The following PCDHGB6 variants were observed in gnomAD, a reference collection of about 807,000 sequenced individuals.
The protein encoded by PCDHGB6 is protocadherin gamma subfamily B, 6.
Under a neutral mutation model 59.1 loss-of-function variants are expected in PCDHGB6, and 51 were observed. That is an observed-to-expected ratio of 0.86 (90% CI 0.69 to 1.09). The LOEUF (loss-of-function observed/expected upper bound fraction) is 1.09, where lower values mean the gene tolerates loss of function less well. Ranked by LOEUF, PCDHGB6 falls within the 50% of genes least tolerant of loss-of-function variation. The pLI is 0.00. For synonymous variants in PCDHGB6, 466 were observed against 495.1 expected (o/e 0.94, Z 0.78); for missense variants, 1,148 against 1,205.1 (o/e 0.95, Z 0.70).
rs767521224 is a variant in PCDHGB6 at position 141,431,148 on chromosome 5, C to T, written c.2418+20528C>T. 3.7e-6 allele frequency: 6 copies of T among 1,614,146 alleles called. No homozygotes were observed. Among genetic ancestry groups the T allele is most frequent in the Admixed American group, 1.7e-5 (1 of 60,030 alleles). On this transcript the variant is annotated intron_variant, in intron 1 of 3. Coordinates refer to ENST00000520790, the MANE Select transcript of PCDHGB6 (RefSeq NM_018926.3). The surrounding 1 kb of genome is among the most constrained non-coding windows in gnomAD (Gnocchi z 4.8). Reference sequence around the variant, plus strand: ...GAAGTAAGGGACATTAACGACAATGCGCCTTACTTTCGTGAAAGTGAATTA... The same window carrying T: ...GAAGTAAGGGACATTAACGACAATGTGCCTTACTTTCGTGAAAGTGAATTA...
At chr5:141,504,980 G>A (rs113323355) in intron 2 of PCDHGB6, among the ~76,000 whole-genome samples, 174 of 152,196 alleles carry the variant, frequency 1.1e-3, no homozygotes, top group African/African-American at 3.9e-3. Context: ...TGGCCAACAT[G>A]GTGAAACCCC....
chr5:141,479,625 T>C (rs2099501262), intron 1 of PCDHGB6: 1 of 152,228 alleles, frequency 6.6e-6, no homozygotes, highest in Non-Finnish European at 1.5e-5. Flanking sequence ...ACCATGTCTC[T>C]TTAACAATAA....
chr5:141,486,189 A>T lies in PCDHGB6; in HGVS notation c.2419-8618A>T, dbSNP rs761466492. 6.2e-7 allele frequency: 1 copy of T among 1,614,062 alleles called. No individual in the cohort carries two copies. Among genetic ancestry groups the T allele is most frequent in the Non-Finnish European group, 8.5e-7 (1 of 1,179,994 alleles). ...GAGCAACATTGCAGCCTTCGAGTGG[A>T]TCTGCTGGACGTAAATGACAATGCC... is the stretch of plus-strand genomic sequence containing the variant. On this transcript the variant is annotated intron_variant, in intron 1 of 3. Coordinates refer to ENST00000520790, the MANE Select transcript of PCDHGB6 (RefSeq NM_018926.3). The surrounding 1 kb of genome is among the most constrained non-coding windows in gnomAD (Gnocchi z 5.0).
intron 1 of PCDHGB6, chr5:141,422,528 C>T: frequency 5.0e-6 from 8 of 1,614,018 alleles, no homozygotes; most frequent in Non-Finnish European, 5.1e-6. Flanking sequence ...CCGCCTTTGT[C>T]TGCAGAAACT....
At chr5:141,433,364 T>C (rs1246641841) in intron 1 of PCDHGB6, 1 of 524,614 alleles carries the variant, frequency 1.9e-6, no homozygotes, top group Admixed American at 3.5e-5. Context: ...TCTGCCTATC[T>C]ATCTATCTAT....
At position 141,491,613 on chromosome 5, in the gene PCDHGB6, A is replaced by AC; in HGVS notation, c.2419-3190dup. On this transcript the variant is annotated intron_variant, in intron 1 of 3. Coordinates refer to ENST00000520790, the MANE Select transcript of PCDHGB6 (RefSeq NM_018926.3). The surrounding 1 kb of genome is among the most constrained non-coding windows in gnomAD (Gnocchi z 6.9). Reference sequence around the variant, plus strand: ...ACGGCAGTGACTTCACTTTTCTAAGACCCCTCAGCGTTCAGCAGCCCACAG... The same window carrying AC: ...ACGGCAGTGACTTCACTTTTCTAAGACCCCCTCAGCGTTCAGCAGCCCACAG... 6.2e-7 allele frequency: 1 copy of AC among 1,613,568 alleles called. No homozygotes were observed. Among genetic ancestry groups the AC allele is most frequent in the Non-Finnish European group, 8.5e-7 (1 of 1,179,968 alleles).
At chr5:141,438,583 CAT>C (rs1561889590) in intron 1 of PCDHGB6, among the ~76,000 whole-genome samples, 4 of 57,610 alleles carry the variant, frequency 6.9e-5, no homozygotes, top group African/African-American at 3.6e-4. Flanking sequence ...TACATACATA[CAT>C]ACATACATAT....
At chr5:141,420,369 T>C in intron 1 of PCDHGB6, 2 of 1,349,364 alleles carry the variant, frequency 1.5e-6, no homozygotes, top group Non-Finnish European at 2.0e-6. Flanking sequence ...AGATAACTTC[T>C]TCATAGAGTT....
At chr5:141,502,862 CTGTCT>C (rs2099816366) in intron 2 of PCDHGB6, among the ~76,000 whole-genome samples, 2 of 68,560 alleles carry the variant, frequency 2.9e-5, no homozygotes, top group Admixed American at 3.3e-4. Flanking sequence ...CCCTGACTCT[CTGTCT>C]TTTTTTTTTT....
At chr5:141,473,808 C>G (rs1562041705) in intron 1 of PCDHGB6, among the ~76,000 whole-genome samples, 1 of 152,198 alleles carries the variant, frequency 6.6e-6, no homozygotes, top group Non-Finnish European at 1.5e-5. Flanking sequence ...TACTGAGGAG[C>G]AGCTGGACAA....
chr5:141,490,088 ACCACAC>A lies in PCDHGB6; in HGVS notation c.2419-4718_2419-4713del. On this transcript the variant is annotated intron_variant, in intron 1 of 3. Transcript: ENST00000520790. The surrounding 1 kb of genome is among the most constrained non-coding windows in gnomAD (Gnocchi z 5.4). The stretch of plus-strand genomic sequence containing the variant: ...GGCCAACTAGACTATTCTTTTGGAG[ACCACAC>A]ATCTGAGGCAGTGCGGAACCTCTTT... The A allele has an allele frequency of 6.2e-7, 1 of 1,614,190 alleles. No homozygotes were observed. Among genetic ancestry groups the A allele is most frequent in the Non-Finnish European group, 8.5e-7 (1 of 1,180,004 alleles).
chr5:141,465,312 A>G (rs2099100692), intron 1 of PCDHGB6, among the ~76,000 whole-genome samples: 1 of 152,314 alleles, frequency 6.6e-6, no homozygotes, highest in South Asian at 2.1e-4. Flanking sequence ...GAATTTAGCC[A>G]TGTCAATGCA....
chr5:141,435,558 T>C (rs1401876733), intron 1 of PCDHGB6, among the ~76,000 whole-genome samples: 1 of 152,136 alleles, frequency 6.6e-6, no homozygotes, highest in Non-Finnish European at 1.5e-5. Flanking sequence ...TTTTGAGTGC[T>C]TTTTTTAGTA....
In PCDHGB6 at chr5:141,489,120, G is replaced by C; in HGVS notation, c.2419-5687G>C. The C allele has an allele frequency of 1.1e-5, 5 of 445,662 alleles. No homozygotes were observed. Among genetic ancestry groups the C allele is most frequent in the East Asian group, 3.8e-5 (1 of 26,010 alleles). The allele number at this position is 445,662 out of a possible 1,614,324, so 27.6% of individuals were successfully genotyped here. ...AACTGCTGCAAGCAGGCAAACCTCC[G>C]AGCAGTTTTTAAGAGGCTGGAAGGA... On this transcript the variant is annotated intron_variant, in intron 1 of 3. Transcript: ENST00000520790. This position sits in a 1 kb window ranked among gnomAD's most constrained non-coding sequence, Gnocchi z 4.5.
At position 141,493,396 on chromosome 5, in the gene PCDHGB6, G is replaced by A. The variant is rs562217310; in HGVS notation, c.2419-1411G>A. 1.3e-5 allele frequency among the ~76,000 whole-genome samples: 2 copies of A among 152,274 alleles called. No homozygotes were observed. Among genetic ancestry groups the A allele is most frequent in the East Asian group, 3.9e-4 (2 of 5,178 alleles). The stretch of plus-strand genomic sequence containing the variant: ...TTTAAAAGCTTGAGGACAGGAGAGG[G>A]GAGTTGCCTCTGCTGGGATTTTGCT... On this transcript the variant is annotated intron_variant, in intron 1 of 3. Transcript: ENST00000520790. This position sits in a 1 kb window ranked among gnomAD's most constrained non-coding sequence, Gnocchi z 4.3.
At chr5:141,421,417 G>A (rs1188564125) in intron 1 of PCDHGB6, 2 of 1,613,950 alleles carry the variant, frequency 1.2e-6, no homozygotes, top group Non-Finnish European at 1.7e-6. Context: ...GGCGAAGCGC[G>A]GAGTCCGCAT....
At chr5:141,418,674 GCAT>G (rs1401114725) in intron 1 of PCDHGB6, 1 of 1,614,032 alleles carries the variant, frequency 6.2e-7, no homozygotes, top group Non-Finnish European at 8.5e-7. Flanking sequence ...CAGGACGAGG[GCAT>G]CAACTCAGAG....
intron 1 of PCDHGB6, chr5:141,419,557 G>T: frequency 2.5e-6 from 4 of 1,611,872 alleles, no homozygotes; most frequent in Middle Eastern, 1.7e-4. Context: ...TGTACCCTGC[G>T]CTGGGTCCCG....
At chr5:141,458,075 A>G (rs1301404730) in intron 1 of PCDHGB6, among the ~76,000 whole-genome samples, 2 of 152,234 alleles carry the variant, frequency 1.3e-5, no homozygotes, top group Non-Finnish European at 2.9e-5. Flanking sequence ...GAACAACTAT[A>G]TTGCCGTAAG....
Sources: gnomAD v4.1 joint callset for allele counts (sites outside exome capture counted in the v4.1 genomes callset) on GRCh38, gnomAD v4.1.1 for gene constraint, Gnocchi (gnomAD v3.1) non-coding constraint, MANE v1.5 for transcripts, NCBI Gene and HGNC (gene_info 2026-07-23, HGNC 2026-07-21) for gene names.